TASP1: variants seen among roughly 807,000 people sequenced by gnomAD.
TASP1 encodes the protein taspase 1.
A neutral mutation model predicts 56.6 loss-of-function variants in TASP1; 16 were observed. That is an observed-to-expected ratio of 0.28 (90% CI 0.19 to 0.43). The LOEUF (loss-of-function observed/expected upper bound fraction) is 0.43, where lower values mean the gene tolerates loss of function less well. TASP1 is among the 20% of genes least tolerant of loss of function. The pLI is 1.00. For missense variants in TASP1, 393 were observed against 511.6 expected (o/e 0.77, Z 2.24); for synonymous variants, 179 against 184.2 (o/e 0.97, Z 0.23).
the TASP1 span, among the ~76,000 whole-genome samples, chr20:13,119,579 T>G: frequency 6.6e-6 from 1 of 152,240 alleles, no homozygotes. Context: ...GCTCATTTTA[T>G]GCATATTTGG....
chr20:13,473,543 T>C lies in TASP1; in HGVS notation c.985+9684A>G, dbSNP rs1600913899. Among the ~76,000 whole-genome samples, 4 of 152,302 alleles carry C rather than the reference T, an allele frequency of 2.6e-5. No homozygotes were observed. The South Asian group carries it at 8.3e-4, about 32-fold the overall frequency. On this transcript the variant is annotated intron_variant, in intron 11 of 13. Transcript: ENST00000337743. ...CCAAAAGCCTTATGTGGCTGTCCAC[T>C]ACATTAAGAAAAATTGCTTGTTTGT... is the stretch of plus-strand genomic sequence containing the variant.
chr20:13,510,093 A>G (rs1265519699), intron 10 of TASP1, among the ~76,000 whole-genome samples: 1 of 152,186 alleles, frequency 6.6e-6, no homozygotes, highest in East Asian at 1.9e-4. Context: ...AAGTTAATAA[A>G]TAAAGATTAT....
chr20:13,221,365 C>T, the TASP1 span, among the ~76,000 whole-genome samples: 2 of 148,250 alleles, frequency 1.3e-5, no homozygotes, highest in Admixed American at 1.3e-4. Context: ...CGCTCGGGGG[C>T]TCGGCTGCGC....
chr20:13,532,172 C>T (rs987042861), intron 9 of TASP1, among the ~76,000 whole-genome samples: 1 of 152,152 alleles, frequency 6.6e-6, no homozygotes, highest in Non-Finnish European at 1.5e-5. Flanking sequence ...GCCTTCCATG[C>T]TGGGATTACA....
At chr20:13,353,296 CAAACATTTG>C in the TASP1 span, among the ~76,000 whole-genome samples, 1 of 151,500 alleles carries the variant, frequency 6.6e-6, no homozygotes, top group Admixed American at 6.6e-5. Flanking sequence ...GTAGTGTTCC[CAAACATTTG>C]AGTATCTCCC....
At chr20:13,249,810 GTTTTGTTTT>G in the TASP1 span, among the ~76,000 whole-genome samples, 1 of 151,556 alleles carries the variant, frequency 6.6e-6, no homozygotes, top group African/African-American at 2.4e-5. Flanking sequence ...GTTTTGTTTT[GTTTTGTTTT>G]GTTTTGTTTT....
At chr20:13,369,058 A>G in the TASP1 span, among the ~76,000 whole-genome samples, 1 of 152,318 alleles carries the variant, frequency 6.6e-6, no homozygotes, top group South Asian at 2.1e-4. Flanking sequence ...CATTTTCTGC[A>G]TTTGTATTTG....
intron 9 of TASP1, 94 bp downstream of exon 9, chr20:13,533,928 A>G (rs1294596420): frequency 1.4e-6 from 2 of 1,385,364 alleles, no homozygotes; most frequent in African/African-American, 1.5e-5. Context: ...CATTTTTTCT[A>G]AAGAAAAAAT....
At chr20:13,221,724 C>A in the TASP1 span, 3 of 1,274,696 alleles carry the variant, frequency 2.4e-6, no homozygotes, top group Non-Finnish European at 3.0e-6. Context: ...CCGGCGTCAC[C>A]GCCGCCGCCG....
chr20:13,164,580 C>T, the TASP1 span: 1 of 612,412 alleles, frequency 1.6e-6, no homozygotes. Context: ...TAACATTCCT[C>T]TAGGGTCTTA....
chr20:13,425,011 C>T (rs543788329), intron 12 of TASP1, among the ~76,000 whole-genome samples: 12 of 152,224 alleles, frequency 7.9e-5, no homozygotes, highest in Non-Finnish European at 1.5e-4. Context: ...ATGAGCTGCA[C>T]GTGTGCACTT....
intron 10 of TASP1, among the ~76,000 whole-genome samples, chr20:13,524,299 C>G (rs1201266484): frequency 6.6e-6 from 1 of 152,052 alleles, no homozygotes; most frequent in Non-Finnish European, 1.5e-5. Context: ...CTTTCCATAG[C>G]CAGAGACATA....
chr20:13,564,869 G>A (rs1347148190), intron 7 of TASP1, among the ~76,000 whole-genome samples: 1 of 151,986 alleles, frequency 6.6e-6, no homozygotes, highest in Non-Finnish European at 1.5e-5. Flanking sequence ...AGCCGGGTGT[G>A]GTGGTGGGCA....
intron 8 of TASP1, among the ~76,000 whole-genome samples, chr20:13,539,502 G>T (rs993503835): frequency 2.0e-5 from 3 of 151,374 alleles, no homozygotes; most frequent in Non-Finnish European, 1.5e-5. Flanking sequence ...GTGAGCAATC[G>T]TCACACCACT....
the TASP1 span, among the ~76,000 whole-genome samples, chr20:13,126,049 AT>A: frequency 3.3e-4 from 50 of 151,856 alleles, no homozygotes; most frequent in South Asian, 0.01. Flanking sequence ...AATTATCTTC[AT>A]TCTTCAAGGC....
In TASP1 at chr20:13,581,923, T is replaced by A. The variant is rs1601331188; in HGVS notation, c.404-942A>T. ...ATGATCACAGCGCTGAGTTTTAACATGGAGGCAGCCAATATCGGAGACCAT... is the reference window on the plus strand; with the variant it reads ...ATGATCACAGCGCTGAGTTTTAACAAGGAGGCAGCCAATATCGGAGACCAT... On this transcript the variant is annotated intron_variant, in intron 5 of 13. Coordinates refer to ENST00000337743, the MANE Select transcript of TASP1 (RefSeq NM_017714.3). Among the ~76,000 whole-genome samples the A allele has an allele frequency of 2.0e-5, 3 of 152,148 alleles. No homozygotes were observed. The East Asian group carries it at 5.8e-4, about 29-fold the overall frequency.
At chr20:13,293,790 A>G in the TASP1 span, among the ~76,000 whole-genome samples, 1 of 152,226 alleles carries the variant, frequency 6.6e-6, no homozygotes, top group South Asian at 2.1e-4. Flanking sequence ...CCTGGCCAAC[A>G]TGGGGAAACC....
intron 13 of TASP1, among the ~76,000 whole-genome samples, chr20:13,413,884 C>A (rs1177364731): frequency 1.3e-5 from 2 of 152,128 alleles, no homozygotes; most frequent in East Asian, 3.8e-4. Context: ...TTCTGACCCA[C>A]TGAGAAAATA....
intron 4 of TASP1, among the ~76,000 whole-genome samples, chr20:13,588,337 G>C (rs1470909270): frequency 6.6e-6 from 1 of 151,528 alleles, no homozygotes; most frequent in Non-Finnish European, 1.5e-5. Flanking sequence ...AGGAAGGAAG[G>C]AAGGAAGGAA....
Sources: gnomAD v4.1 joint callset for allele counts (sites outside exome capture counted in the v4.1 genomes callset) on GRCh38, gnomAD v4.1.1 for gene constraint, MANE v1.5 for transcripts, NCBI Gene and HGNC (gene_info 2026-07-23, HGNC 2026-07-21) for gene names.